Variants in SPMAP2L observed in about 807,000 individuals in gnomAD.
The protein encoded by SPMAP2L is sperm microtubule associated protein 2-like.
the SPMAP2L span, among the ~76,000 whole-genome samples, chr4:56,559,845 G>T: frequency 6.6e-6 from 1 of 152,102 alleles, no homozygotes; most frequent in Non-Finnish European, 1.5e-5. Flanking sequence ...GGGATTACAG[G>T]CATGAGCCAC....
the SPMAP2L span, among the ~76,000 whole-genome samples, chr4:56,532,218 C>G: frequency 6.6e-6 from 1 of 152,070 alleles, no homozygotes; most frequent in Non-Finnish European, 1.5e-5. Context: ...TTTGACCCCC[C>G]CACCCAGCTG....
chr4:56,609,034 TTTTC>T, the SPMAP2L span, among the ~76,000 whole-genome samples: 16 of 149,470 alleles, frequency 1.1e-4, no homozygotes, highest in African/African-American at 2.7e-4. Context: ...TATTGTCTTT[TTTTC>T]TTTCTTTCTT....
At chr4:56,593,211 A>G in the SPMAP2L span, 28 of 1,398,752 alleles carry the variant, frequency 2.0e-5, no homozygotes, top group South Asian at 2.9e-4. Context: ...ATGGTGTGTG[A>G]CATCACAGGC....
the SPMAP2L span, chr4:56,594,544 C>A: frequency 6.2e-7 from 1 of 1,608,704 alleles, no homozygotes; most frequent in South Asian, 1.1e-5. Context: ...TGGCCACTAT[C>A]CGAGCCTACT....
the SPMAP2L span, among the ~76,000 whole-genome samples, chr4:56,597,247 A>C: frequency 1.3e-5 from 2 of 152,150 alleles, no homozygotes; most frequent in African/African-American, 2.4e-5. Flanking sequence ...ATGCACTTGA[A>C]ATTGGGTGGA....
the SPMAP2L span, among the ~76,000 whole-genome samples, chr4:56,582,778 C>A: frequency 2.0e-5 from 3 of 152,126 alleles, no homozygotes; most frequent in Non-Finnish European, 4.4e-5. Flanking sequence ...TTCCTAGCAG[C>A]ATTATTCATA....
chr4:56,549,427 G>A, the SPMAP2L span, among the ~76,000 whole-genome samples: 6 of 152,178 alleles, frequency 3.9e-5, no homozygotes, highest in South Asian at 2.1e-4. Flanking sequence ...CCAGTTCAAC[G>A]TATCCCAATC....
the SPMAP2L span, chr4:56,593,192 T>C: frequency 2.7e-6 from 4 of 1,483,544 alleles, no homozygotes; most frequent in Non-Finnish European, 3.8e-6. Context: ...TTTACTCAAC[T>C]ACCAGACCAT....
the SPMAP2L span, among the ~76,000 whole-genome samples, chr4:56,584,237 G>A: frequency 1.3e-5 from 2 of 152,108 alleles, no homozygotes; most frequent in East Asian, 3.9e-4. Flanking sequence ...AAGGCAGAGG[G>A]ATTACAGACA....
chr4:56,562,031 C>G, the SPMAP2L span, among the ~76,000 whole-genome samples: 9 of 152,176 alleles, frequency 5.9e-5, no homozygotes, highest in South Asian at 1.9e-3. Flanking sequence ...GCCTGGGAAT[C>G]AAATTTCATC....
the SPMAP2L span, among the ~76,000 whole-genome samples, chr4:56,602,254 G>A: frequency 1.3e-5 from 2 of 152,116 alleles, no homozygotes; most frequent in African/African-American, 2.4e-5. Flanking sequence ...CCTAGGAGAG[G>A]CAGAAAAAGT....
At chr4:56,540,625 G>T in the SPMAP2L span, among the ~76,000 whole-genome samples, 2 of 151,588 alleles carry the variant, frequency 1.3e-5, no homozygotes, top group African/African-American at 4.9e-5. Flanking sequence ...AGAAGGAAAA[G>T]AAAGGAAGAA....
At chr4:56,540,480 A>T in the SPMAP2L span, among the ~76,000 whole-genome samples, 27,133 of 151,882 alleles carry the variant, frequency 0.18, 2,630 homozygotes, top group East Asian at 0.4. Flanking sequence ...TAGGCAGAGG[A>T]TGCAGTGAGC....
chr4:56,624,231 G>A, the SPMAP2L span, among the ~76,000 whole-genome samples: 1 of 152,174 alleles, frequency 6.6e-6, no homozygotes, highest in Non-Finnish European at 1.5e-5. Flanking sequence ...ATGATTTAGA[G>A]CATCTGGCAG....
the SPMAP2L span, among the ~76,000 whole-genome samples, chr4:56,580,997 AT>A: frequency 7.2e-5 from 11 of 152,206 alleles, no homozygotes; most frequent in South Asian, 4.1e-4. Flanking sequence ...GCTGAGTTTA[AT>A]AAGCCAGTCA....
chr4:56,597,634 C>T, the SPMAP2L span, among the ~76,000 whole-genome samples: 1 of 152,098 alleles, frequency 6.6e-6, no homozygotes, highest in African/African-American at 2.4e-5. Flanking sequence ...ACTTTATTCT[C>T]AGTTTTTTGG....
At chr4:56,543,930 G>GTGT in the SPMAP2L span, among the ~76,000 whole-genome samples, 2 of 70,070 alleles carry the variant, frequency 2.9e-5, no homozygotes, top group Non-Finnish European at 5.9e-5. Context: ...GTGTGTATGT[G>GTGT]AGAGAGAGAG....
At chr4:56,622,360 G>A in the SPMAP2L span, among the ~76,000 whole-genome samples, 10 of 152,170 alleles carry the variant, frequency 6.6e-5, no homozygotes, top group African/African-American at 9.7e-5. Flanking sequence ...AAAATACCTC[G>A]CACCCATTGC....
chr4:56,560,003 C>T, the SPMAP2L span, among the ~76,000 whole-genome samples: 1 of 152,078 alleles, frequency 6.6e-6, no homozygotes, highest in African/African-American at 2.4e-5. Flanking sequence ...GTAAGCTTTT[C>T]CAGAGCAAAA....
Sources: allele counts gnomAD v4.1 joint callset (sites outside exome capture counted in the v4.1 genomes callset), GRCh38; gene constraint gnomAD v4.1.1; transcripts MANE v1.5; gene names NCBI Gene and HGNC (gene_info 2026-07-23, HGNC 2026-07-21).